Variants in FHOD3 observed in about 807,000 individuals in gnomAD.
FHOD3 encodes formin homology 2 domain containing 3.
FHOD3 carries 90 observed loss-of-function variants against 173.0 expected under a neutral mutation model. The ratio of observed to expected loss-of-function variants is 0.52; its 90% confidence interval spans 0.44 to 0.62. The LOEUF is 0.62. Among genes scored for constraint, FHOD3 ranks in the 20% least tolerant of loss-of-function variants. The probability of loss-of-function intolerance (pLI) is 0.00; values close to 1 mark genes in which losing one functional copy is unlikely to be tolerated. For synonymous variants in FHOD3, 828 were observed against 823.0 expected (o/e 1.01, Z -0.10); for missense variants, 1,945 against 2,034.7 (o/e 0.96, Z 0.85).
At chr18:36,546,959 T>C (rs1390428314) in intron 5 of FHOD3, among the ~76,000 whole-genome samples, 1 of 152,192 alleles carries the variant, frequency 6.6e-6, no homozygotes, top group Non-Finnish European at 1.5e-5. Context: ...TGAAAGTCAA[T>C]GTGCCCATGA....
At chr18:36,637,557 C>CA (rs1299466472) in intron 10 of FHOD3, among the ~76,000 whole-genome samples, 1 of 152,168 alleles carries the variant, frequency 6.6e-6, no homozygotes, top group Non-Finnish European at 1.5e-5. Context: ...TACTAGGCCC[C>CA]AACTCCTATT....
At chr18:36,578,825 T>C (rs1409310944) in intron 6 of FHOD3, among the ~76,000 whole-genome samples, 3 of 152,174 alleles carry the variant, frequency 2.0e-5, no homozygotes, top group Admixed American at 2.0e-4. Context: ...TGGGGTCCCA[T>C]ATCCGTGGGT....
chr18:36,466,619 T>C (rs1487508004), intron 3 of FHOD3, among the ~76,000 whole-genome samples: 1 of 152,210 alleles, frequency 6.6e-6, no homozygotes, highest in African/African-American at 2.4e-5. Flanking sequence ...AGGGAAACTT[T>C]GTTTAAAAAC....
chr18:36,760,759 G>A lies in FHOD3; in HGVS notation c.4601G>A (p.Arg1534His), dbSNP rs775735689. The A allele has an allele frequency of 9.3e-6, 15 of 1,609,840 alleles. No individual in the cohort carries two copies. Among genetic ancestry groups the A allele is most frequent in the Non-Finnish European group, 5.1e-6 (6 of 1,178,958 alleles). ...VEDATPALGV[R>H]TRSRASRGST... is the part of the protein sequence containing the mutation. ...GACGCCACCCCCGCGCTGGGCGTCC[G>A]CACACGCAGCCGAGCAAGCCGAGGT... is the stretch of plus-strand genomic sequence containing the variant. The change falls in exon 27 of 29, where the codon CGC becomes CAC. Residue 1534 changes from arginine to histidine, a missense_variant. This residue lies in a region of FHOD3 where 354 missense variants were observed against 359.9 expected (regional missense o/e 0.98). Coordinates refer to ENST00000590592, the MANE Select transcript of FHOD3 (RefSeq NM_001281740.3).
chr18:36,345,194 A>G (rs953229680), intron 1 of FHOD3, among the ~76,000 whole-genome samples: 13 of 143,794 alleles, frequency 9.0e-5, no homozygotes, highest in African/African-American at 3.3e-4. Flanking sequence ...AAGAATTCCA[A>G]TCATACAGAG....
At chr18:36,594,074 C>T (rs1158501112) in intron 6 of FHOD3, among the ~76,000 whole-genome samples, 1 of 152,206 alleles carries the variant, frequency 6.6e-6, no homozygotes, top group Admixed American at 6.5e-5. Flanking sequence ...AGCCCCAGGG[C>T]TGGTAAAGCT....
chr18:36,624,802 G>A (rs2033975104), intron 9 of FHOD3, among the ~76,000 whole-genome samples: 1 of 152,176 alleles, frequency 6.6e-6, no homozygotes, highest in South Asian at 2.1e-4. Flanking sequence ...TCACTCTTAG[G>A]AAACTTTAAA....
At chr18:36,587,773 G>GA (rs937563919) in intron 6 of FHOD3, among the ~76,000 whole-genome samples, 88 of 150,876 alleles carry the variant, frequency 5.8e-4, no homozygotes, top group African/African-American at 1.9e-3. Flanking sequence ...CCTGGTGCTG[G>GA]AAAAAAAAAT....
chr18:36,668,677 T>A (rs1298518256), intron 14 of FHOD3, among the ~76,000 whole-genome samples: 1 of 152,054 alleles, frequency 6.6e-6, no homozygotes, highest in Non-Finnish European at 1.5e-5. Flanking sequence ...TAATATGTTG[T>A]GTTTTTATCT....
chr18:36,656,794 T>C (rs919652538), intron 13 of FHOD3, among the ~76,000 whole-genome samples: 1 of 152,206 alleles, frequency 6.6e-6, no homozygotes, highest in African/African-American at 2.4e-5. Flanking sequence ...GGTTGCATAA[T>C]AGTCCATTGA....
At chr18:36,548,740 G>A (rs761083933) in intron 5 of FHOD3, among the ~76,000 whole-genome samples, 20 of 152,216 alleles carry the variant, frequency 1.3e-4, no homozygotes, top group African/African-American at 4.3e-4. Context: ...TCTTTCACAC[G>A]TCGCATGGTC....
intron 1 of FHOD3, 118 bp from the exon 2 acceptor site, chr18:36,355,421 C>T (rs1006697908): frequency 3.3e-5 from 25 of 756,824 alleles, no homozygotes; most frequent in Non-Finnish European, 5.1e-5. Flanking sequence ...AGTTATGATC[C>T]ACATTTCAGA....
intron 1 of FHOD3, among the ~76,000 whole-genome samples, chr18:36,330,715 T>G (rs1033667343): frequency 6.6e-6 from 1 of 152,224 alleles, no homozygotes; most frequent in Non-Finnish European, 1.5e-5. Context: ...ATAGTCACTT[T>G]CCTGCTGTGC....
At chr18:36,426,115 A>G (rs1411123041) in intron 3 of FHOD3, among the ~76,000 whole-genome samples, 1 of 152,024 alleles carries the variant, frequency 6.6e-6, no homozygotes, top group African/African-American at 2.4e-5. Flanking sequence ...CATGTTAGCC[A>G]GAATGATCTT....
At chr18:36,680,421 T>C (rs562126995) in intron 14 of FHOD3, among the ~76,000 whole-genome samples, 41 of 152,368 alleles carry the variant, frequency 2.7e-4, no homozygotes, top group African/African-American at 9.6e-4. Context: ...GCAAAATATA[T>C]TTCATAAATA....
intron 3 of FHOD3, among the ~76,000 whole-genome samples, chr18:36,438,854 C>T (rs2050964166): frequency 6.6e-6 from 1 of 152,218 alleles, no homozygotes; most frequent in African/African-American, 2.4e-5. Flanking sequence ...AGTTCTGATC[C>T]TGGACTGACA....
chr18:36,632,102 A>T (rs2034558027), intron 10 of FHOD3, among the ~76,000 whole-genome samples: 1 of 152,222 alleles, frequency 6.6e-6, no homozygotes. Context: ...TAGAAGTAGA[A>T]TTTGAGACAA....
intron 2 of FHOD3, among the ~76,000 whole-genome samples, chr18:36,358,559 T>C (rs2046466455): frequency 6.6e-6 from 1 of 152,178 alleles, no homozygotes; most frequent in South Asian, 2.1e-4. Context: ...CTAGGGTTGC[T>C]GGGAAAATGA....
At chr18:36,576,662 G>T in intron 6 of FHOD3, 117 bp downstream of exon 6, 3 of 645,466 alleles carry the variant, frequency 4.6e-6, no homozygotes, top group Non-Finnish European at 7.8e-6. Context: ...AGCCGTTACA[G>T]TATAAATGAG....
Sources: gnomAD v4.1 joint callset for allele counts (sites outside exome capture counted in the v4.1 genomes callset) on GRCh38, gnomAD v4.1.1 for gene constraint, gnomAD v4.1.1 regional missense constraint, MANE v1.5 for transcripts, NCBI Gene and HGNC (gene_info 2026-07-23, HGNC 2026-07-21) for gene names.